Variants in GRK4 observed in about 807,000 individuals in gnomAD.
GRK4 encodes G protein-coupled receptor kinase 2-like.
Under a neutral mutation model 77.9 loss-of-function variants are expected in GRK4, and 73 were observed. The observed-to-expected ratio is 0.94, with a 90% CI of 0.78 to 1.14. GRK4 has a LOEUF of 1.14. GRK4 is among the 50% of genes most tolerant of loss of function. GRK4 has a pLI of 0.00. For missense variants in GRK4, 729 were observed against 700.2 expected, an observed-to-expected ratio of 1.04 and a Z score of -0.46; for synonymous variants, 257 against 254.4, an observed-to-expected ratio of 1.01 and a Z score of -0.10.
At chr4:2,989,962 A>T (rs991661407) in intron 3 of GRK4, among the ~76,000 whole-genome samples, 2 of 152,078 alleles carry the variant, frequency 1.3e-5, no homozygotes, top group African/African-American at 4.8e-5. Flanking sequence ...CAGGGTTATG[A>T]TCCTTCCTCT....
chr4:2,979,752 G>T (rs1198487369), intron 1 of GRK4, among the ~76,000 whole-genome samples: 1 of 152,174 alleles, frequency 6.6e-6, no homozygotes, highest in Non-Finnish European at 1.5e-5. Flanking sequence ...GGTGGTGCAT[G>T]CTTGTGGTCC....
At chr4:2,994,659 G>A (rs1033051313) in intron 4 of GRK4, among the ~76,000 whole-genome samples, 1 of 152,182 alleles carries the variant, frequency 6.6e-6, no homozygotes, top group African/African-American at 2.4e-5. Flanking sequence ...AATGAATCAT[G>A]GTAGATATAG....
At position 3,025,452 on chromosome 4, in the gene GRK4, T is replaced by G. The variant is rs867261609; in HGVS notation, c.971-2460T>G. Among the ~76,000 whole-genome samples the G allele has an allele frequency of 4.2e-5, 6 of 143,756 alleles. No individual in the cohort carries two copies. In the East Asian group the frequency reaches 6.3e-4, roughly 15 times the overall value. The allele number at this position is 143,756 out of a possible 152,430, so 94.3% of individuals were successfully genotyped here. A position where few individuals can be genotyped will look rare whatever the true frequency, so the allele number is the denominator to read the frequency against. On this transcript the variant is annotated intron_variant, in intron 10 of 15. Transcript: ENST00000398052. ...TCGCCCAGGCTGGTGTGCAGTGGCGTGATCTCGGCTCACTGTAAGCTCCGC... is the reference window on the plus strand; with the variant it reads ...TCGCCCAGGCTGGTGTGCAGTGGCGGGATCTCGGCTCACTGTAAGCTCCGC...
intron 7 of GRK4, 41 bp from the exon 8 acceptor site, chr4:3,013,647 C>T (rs755973293): frequency 1.3e-6 from 2 of 1,577,056 alleles, no homozygotes; most frequent in South Asian, 1.2e-5. Flanking sequence ...TAAGAAATGC[C>T]AGGTGGACAT....
In GRK4 at chr4:2,963,754, C is replaced by T; in HGVS notation, c.-317C>T. The T allele has an allele frequency of 2.2e-6, 1 of 451,768 alleles. No individual in the cohort carries two copies. The highest frequency in any genetic ancestry group is 3.9e-6 in the Non-Finnish European group (1 of 255,528). 28.0% of individuals were successfully genotyped at this position (451,768 alleles called of 1,614,324 possible). On this transcript the variant is annotated 5_prime_UTR_variant, in exon 1 of 16. Transcript: ENST00000398052. The stretch of plus-strand genomic sequence containing the variant: ...AGGGCACTGAGGAGGGAGTTGCGCG[C>T]GCGAGGCGAGGGCGATGGGGCCAAG...
Position 3,017,154 on chromosome 4 carries a change from C to A in GRK4, c.742-2487C>A, listed in dbSNP as rs141897611. Among the ~76,000 whole-genome samples the A allele has an allele frequency of 1.5e-4, 23 of 152,362 alleles. 2 individuals carry two copies. The East Asian group carries it at 4.4e-3, about 29-fold the overall frequency. ...GATTAAAAACTCCAGTGGCCACCTG[C>A]CACTCTGAGAATAAAATTAGACTCA... On this transcript the variant is annotated intron_variant, in intron 8 of 15. Transcript: ENST00000398052.
intron 4 of GRK4, among the ~76,000 whole-genome samples, chr4:2,994,484 T>G (rs1281533270): frequency 6.6e-6 from 1 of 152,258 alleles, no homozygotes. Context: ...TTGTGGGGAT[T>G]ACAGGCGTGA....
chr4:3,033,963 A>G (rs1352844148), intron 12 of GRK4, among the ~76,000 whole-genome samples: 1 of 152,252 alleles, frequency 6.6e-6, no homozygotes, highest in Non-Finnish European at 1.5e-5. Context: ...TGCTCTGGCT[A>G]GGTGCTGGGG....
chr4:2,967,379 G>T (rs926147842), intron 1 of GRK4, among the ~76,000 whole-genome samples: 3 of 152,144 alleles, frequency 2.0e-5, no homozygotes, highest in Admixed American at 1.3e-4. Flanking sequence ...AGCGTGAAAT[G>T]ATCATATTGG....
intron 12 of GRK4, among the ~76,000 whole-genome samples, chr4:3,031,505 C>A (rs1739165662): frequency 6.6e-6 from 1 of 152,176 alleles, no homozygotes; most frequent in Non-Finnish European, 1.5e-5. Context: ...CTGGTTTGTC[C>A]AGCAGCTAGA....
intron 4 of GRK4, among the ~76,000 whole-genome samples, chr4:2,993,549 C>A (rs544422846): frequency 6.6e-6 from 1 of 152,290 alleles, no homozygotes; most frequent in African/African-American, 2.4e-5. Flanking sequence ...TGGTGCATGC[C>A]TGTAATCCCA....
rs1397292480 is a variant in GRK4 at position 2,968,451 on chromosome 4, T to C, written c.52+4329T>C. Among the ~76,000 whole-genome samples the C allele has an allele frequency of 2.6e-5, 4 of 152,028 alleles. No homozygotes were observed. In the East Asian group the frequency reaches 5.8e-4, roughly 22 times the overall value. ...TTGCTAACTTAAGCAAATAGGAAAT[T>C]TATGGAGAAGATATTGGGTAGCTCA... On this transcript the variant is annotated intron_variant, in intron 1 of 15. Coordinates refer to ENST00000398052, the MANE Select transcript of GRK4 (RefSeq NM_182982.3).
intron 2 of GRK4, chr4:2,987,248 G>T (rs1578068383): frequency 4.9e-6 from 2 of 405,342 alleles, no homozygotes; most frequent in East Asian, 1.4e-4. Context: ...TTTTTACGTA[G>T]CATAATGTTG....
intron 3 of GRK4, among the ~76,000 whole-genome samples, chr4:2,989,736 T>C (rs916264956): frequency 6.6e-6 from 1 of 152,226 alleles, no homozygotes; most frequent in African/African-American, 2.4e-5. Context: ...AATGATCACT[T>C]TGGATGGAAT....
At chr4:2,989,313 G>A (rs2960308) in intron 3 of GRK4, among the ~76,000 whole-genome samples, 72,141 of 152,158 alleles carry the variant, frequency 0.47, 18,646 homozygotes, top group African/African-American at 0.68. Context: ...GTAGAATTAC[G>A]TCTCAAGTGT....
chr4:3,021,305 C>G (rs61791225), intron 9 of GRK4, among the ~76,000 whole-genome samples: 1 of 152,216 alleles, frequency 6.6e-6, no homozygotes, highest in Non-Finnish European at 1.5e-5. Context: ...GACTCCTGCT[C>G]ATCCGCCCAG....
In GRK4 at chr4:2,985,774, G is replaced by A. The variant is rs55676948; in HGVS notation, c.148+1166G>A. 5.5e-3 allele frequency: 1,594 copies of A among 290,144 alleles called. 29 individuals are homozygous for A. The highest frequency in any genetic ancestry group is 0.035 in the African/African-American group (1,513 of 43,022). The allele number at this position is 290,144 out of a possible 1,614,324, so 18.0% of individuals were successfully genotyped here. A position where few individuals can be genotyped will look rare whatever the true frequency, so the allele number is the denominator to read the frequency against. ...AGCACTTTGGGAGACTGAGGTGGGC[G>A]GATCACGAGATCAGGAGATCGAGAC... is the stretch of plus-strand genomic sequence containing the variant. On this transcript the variant is annotated intron_variant, in intron 2 of 15. Transcript: ENST00000398052.
chr4:2,964,407 C>T (rs1356083491), intron 1 of GRK4, among the ~76,000 whole-genome samples: 1 of 152,160 alleles, frequency 6.6e-6, no homozygotes. Flanking sequence ...GTCCTGTCCT[C>T]TCGGTGTGAC....
chr4:3,013,107 G>A (rs922739427), intron 7 of GRK4, among the ~76,000 whole-genome samples: 2 of 151,720 alleles, frequency 1.3e-5, no homozygotes, highest in African/African-American at 2.4e-5. Context: ...GCAGTGGCGC[G>A]ATCTCGGCTT....
Sources: gnomAD v4.1 joint callset for allele counts (sites outside exome capture counted in the v4.1 genomes callset) on GRCh38, gnomAD v4.1.1 for gene constraint, MANE v1.5 for transcripts, NCBI Gene and HGNC (gene_info 2026-07-23, HGNC 2026-07-21) for gene names.